GPM6A: variants seen among roughly 807,000 people sequenced by gnomAD.
The protein encoded by GPM6A is glycoprotein M6A, also known as neuronal membrane glycoprotein M6-a.
Under a neutral mutation model 32.1 loss-of-function variants are expected in GPM6A, and 7 were observed. That is an observed-to-expected ratio of 0.22 (90% CI 0.12 to 0.41). The LOEUF (loss-of-function observed/expected upper bound fraction) is 0.41. GPM6A is among the 10% of genes least tolerant of loss of function. GPM6A has a pLI of 1.00. For synonymous variants in GPM6A, 130 were observed against 123.4 expected (o/e 1.05, Z -0.35); for missense variants, 235 against 347.2 (o/e 0.68, Z 2.57).
chr4:175,701,907 T>C (rs1030403760), intron 1 of GPM6A, 140 bp from the exon 2 acceptor site: 1 of 558,330 alleles, frequency 1.8e-6, no homozygotes, highest in South Asian at 2.7e-5. Flanking sequence ...TAGAGTGCAT[T>C]GAAGGATACT....
At chr4:175,715,877 C>T (rs1213456001) in intron 1 of GPM6A, among the ~76,000 whole-genome samples, 2 of 151,980 alleles carry the variant, frequency 1.3e-5, no homozygotes, top group Non-Finnish European at 2.9e-5. Flanking sequence ...ACCAGCCTGA[C>T]CAACATGGAG....
rs564394612 is a variant in GPM6A at position 175,746,449 on chromosome 4, T to C, written c.38-44682A>G. ...GTTCAATTATTCTGCACCAATGCTT[T>C]GTGTGTTCTCTTAAAAGACCAGATT... On this transcript the variant is annotated intron_variant, in intron 1 of 6. Coordinates refer to ENST00000393658, the MANE Select transcript of GPM6A (RefSeq NM_201591.3). 2.0e-5 allele frequency among the ~76,000 whole-genome samples: 3 copies of C among 152,336 alleles called. 1 individual carries two copies. In the South Asian group the frequency reaches 6.2e-4, roughly 32 times the overall value.
intron 6 of GPM6A, among the ~76,000 whole-genome samples, chr4:175,636,500 A>G (rs1219804037): frequency 6.6e-6 from 1 of 151,078 alleles, no homozygotes; most frequent in Non-Finnish European, 1.5e-5. Context: ...TTATTATTAA[A>G]TATGTATAAT....
intron 3 of GPM6A, among the ~76,000 whole-genome samples, chr4:175,663,982 G>A (rs1027567634): frequency 1.3e-5 from 2 of 152,056 alleles, no homozygotes; most frequent in South Asian, 2.1e-4. Context: ...ATGAGCCACC[G>A]TGCCCAGCCA....
At chr4:175,935,712 C>T (rs1031394986) in intron 1 of GPM6A, among the ~76,000 whole-genome samples, 5 of 151,960 alleles carry the variant, frequency 3.3e-5, no homozygotes, top group Non-Finnish European at 7.4e-5. Flanking sequence ...ATAAAGATAT[C>T]AGTTCTCCCC....
chr4:175,902,166 A>G (rs1031366970), intron 1 of GPM6A, among the ~76,000 whole-genome samples: 1 of 152,176 alleles, frequency 6.6e-6, no homozygotes, highest in Non-Finnish European at 1.5e-5. Context: ...TGGAATAAAA[A>G]AGAACAAATT....
At chr4:175,826,175 AC>A (rs202075516) in intron 1 of GPM6A, among the ~76,000 whole-genome samples, 9,909 of 150,854 alleles carry the variant, frequency 0.066, 1,033 homozygotes, top group African/African-American at 0.23. Context: ...AAACAAACAA[AC>A]AAAAAAACTG....
chr4:175,846,500 T>C (rs536902793), intron 1 of GPM6A, among the ~76,000 whole-genome samples: 1 of 152,292 alleles, frequency 6.6e-6, no homozygotes, highest in Admixed American at 6.5e-5. Flanking sequence ...GCCCAGGTTG[T>C]AAAGCCTTTA....
rs17657144 is a variant in GPM6A at position 175,696,892 on chromosome 4, C to T, written c.230+4683G>A. 8.2e-3 allele frequency among the ~76,000 whole-genome samples: 1,247 copies of T among 152,152 alleles called. 9 individuals are homozygous for T. Among genetic ancestry groups the T allele is most frequent in the Non-Finnish European group, 0.014 (975 of 67,984 alleles). Reference sequence around the variant, plus strand: ...GCAAACTTAGAGATATAAACCCACCCGAAGTTAGTTGAGAACAAAATCTAT... The same window carrying T: ...GCAAACTTAGAGATATAAACCCACCTGAAGTTAGTTGAGAACAAAATCTAT... On this transcript the variant is annotated intron_variant, in intron 2 of 6. Coordinates refer to ENST00000393658, the MANE Select transcript of GPM6A (RefSeq NM_201591.3).
Position 175,991,792 on chromosome 4 carries a change from T to TA in GPM6A, c.-23+10516dup, listed in dbSNP as rs547729947. Among the ~76,000 whole-genome samples the TA allele has an allele frequency of 6.4e-4, 98 of 151,968 alleles. 3 individuals are homozygous for TA. In the South Asian group the frequency reaches 0.015, roughly 23 times the overall value. On this transcript the variant is annotated intron_variant, in intron 1 of 7. Coordinates refer to the GPM6A transcript ENST00000280187. The stretch of plus-strand genomic sequence containing the variant: ...TCTGTTCCATGCCCTGATATTTCTT[T>TA]AAAAAAAACACAATATATTTGTTTC...
chr4:175,670,366 TG>T, intron 3 of GPM6A, among the ~76,000 whole-genome samples: 1 of 152,046 alleles, frequency 6.6e-6, no homozygotes, highest in Non-Finnish European at 1.5e-5. Flanking sequence ...AAATTGGGGA[TG>T]GGGGCAAAAA....
intron 1 of GPM6A, among the ~76,000 whole-genome samples, chr4:175,978,746 G>A (rs1167872356): frequency 2.6e-5 from 4 of 152,134 alleles, no homozygotes. Flanking sequence ...ACCAATATCT[G>A]AGTTTTAATC....
At chr4:175,637,665 A>G (rs1411484969) in intron 6 of GPM6A, among the ~76,000 whole-genome samples, 1 of 16,682 alleles carries the variant, frequency 6.0e-5, no homozygotes, top group African/African-American at 9.3e-5. Context: ...TAAAATATAT[A>G]ATATATATAA....
chr4:175,934,217 TA>T (rs1175150848), intron 1 of GPM6A, among the ~76,000 whole-genome samples: 1 of 152,194 alleles, frequency 6.6e-6, no homozygotes, highest in African/African-American at 2.4e-5. Flanking sequence ...CCATTGTGGG[TA>T]AATTTTTCCT....
At chr4:175,859,185 A>G (rs1736501637) in intron 1 of GPM6A, among the ~76,000 whole-genome samples, 2 of 152,220 alleles carry the variant, frequency 1.3e-5, no homozygotes, top group Admixed American at 1.3e-4. Context: ...ATGTATAAAT[A>G]TGTTGAAATG....
At position 175,842,792 on chromosome 4, in the gene GPM6A, A is replaced by C. The variant is rs544513292; in HGVS notation, c.-22-30543T>G. ...CTCTATGATGCTATATACCACAGTT[A>C]ATTTAGAAGATTAAATATTGACCTT... On this transcript the variant is annotated intron_variant, in intron 1 of 7. Transcript: ENST00000280187. Among the ~76,000 whole-genome samples, 5 of 152,234 alleles carry C rather than the reference A, an allele frequency of 3.3e-5. No individual in the cohort carries two copies. In the South Asian group the frequency reaches 1.0e-3, roughly 32 times the overall value.
Position 175,873,515 on chromosome 4 carries a change from A to C in GPM6A, c.-22-61266T>G, listed in dbSNP as rs372372874. ...CAATGGGAAATATATTTTGATAAAA[A>C]ACATAGCCAAACTATAAATAGAGTA... On this transcript the variant is annotated intron_variant, in intron 1 of 7. Coordinates refer to the GPM6A transcript ENST00000280187. Among the ~76,000 whole-genome samples the C allele has an allele frequency of 2.0e-5, 3 of 152,160 alleles. No homozygotes were observed. The East Asian group carries it at 5.8e-4, about 29-fold the overall frequency.
At chr4:175,791,239 T>C (rs1207756925) in intron 1 of GPM6A, among the ~76,000 whole-genome samples, 3 of 152,138 alleles carry the variant, frequency 2.0e-5, no homozygotes, top group Non-Finnish European at 1.5e-5. Context: ...AATGTATAGA[T>C]AGAAAAGATA....
At chr4:175,774,900 T>C (rs572039066) in intron 1 of GPM6A, among the ~76,000 whole-genome samples, 29 of 152,052 alleles carry the variant, frequency 1.9e-4, no homozygotes, top group African/African-American at 6.5e-4. Context: ...ATTTTGTGTG[T>C]CCATTCATTG....
Sources: allele counts gnomAD v4.1 joint callset (sites outside exome capture counted in the v4.1 genomes callset), GRCh38; gene constraint gnomAD v4.1.1; transcripts MANE v1.5; gene names NCBI Gene and HGNC (gene_info 2026-07-23, HGNC 2026-07-21).